Variants in AUTS2 observed in about 807,000 individuals in gnomAD.
AUTS2 encodes autism susceptibility gene 2 protein.
AUTS2 carries 17 observed loss-of-function variants against 112.4 expected under a neutral mutation model. The observed-to-expected ratio is 0.15, with a 90% CI of 0.10 to 0.23. AUTS2 has a LOEUF of 0.23. Among genes scored for constraint, AUTS2 ranks in the 10% least tolerant of loss-of-function variants. The pLI, the probability that AUTS2 is intolerant of heterozygous loss-of-function variation, is 1.00. For synonymous variants in AUTS2, 751 were observed against 702.7 expected (o/e 1.07, Z -1.09); for missense variants, 1,510 against 1,701.6 (o/e 0.89, Z 1.98).
rs544693474 is a variant in AUTS2, at chr7:70,708,714, G to T, written c.742+10094G>T. On this transcript the variant is annotated intron_variant, in intron 6 of 18. Transcript: ENST00000342771. Reference sequence around the variant, plus strand: ...CAGAATTATGTCTCGCATTTAGAGAGCCCCAGAATCTGCCAGCTTGTGCTC... The same window carrying T: ...CAGAATTATGTCTCGCATTTAGAGATCCCCAGAATCTGCCAGCTTGTGCTC... 6.6e-5 allele frequency among the ~76,000 whole-genome samples: 10 copies of T among 152,218 alleles called. No homozygotes were observed. The South Asian group carries it at 2.1e-3, about 32-fold the overall frequency.
At chr7:70,672,836 C>T (rs1049356748) in intron 5 of AUTS2, among the ~76,000 whole-genome samples, 1 of 152,094 alleles carries the variant, frequency 6.6e-6, no homozygotes, top group African/African-American at 2.4e-5. Flanking sequence ...CTCCTGACCT[C>T]GTGATCTGCC....
chr7:70,111,059 T>G (rs940291215), intron 2 of AUTS2, among the ~76,000 whole-genome samples: 2 of 151,752 alleles, frequency 1.3e-5, no homozygotes, highest in Non-Finnish European at 2.9e-5. Context: ...TTTTGTATTT[T>G]TAGTAGAGAC....
Position 70,781,637 on chromosome 7 carries a change from A to G in AUTS2, c.2027A>G (p.His676Arg). 2 of 1,614,118 alleles carry G rather than the reference A, an allele frequency of 1.2e-6. No individual in the cohort carries two copies. Among genetic ancestry groups the G allele is most frequent in the Non-Finnish European group, 1.7e-6 (2 of 1,180,012 alleles). The change falls in exon 15 of 19, where the codon CAT (histidine) becomes CGT (arginine). Residue 676 changes from histidine (H) to arginine (R), a missense_variant. His to Arg is a conservative substitution (Grantham distance 29). Around this residue, in one of 3 missense-constraint regions of AUTS2, gnomAD observed 187 missense variants for 309.7 expected, o/e 0.60. Transcript: ENST00000342771. Reference protein sequence around the residue: ...KVKKQMQSDPHKLDFGLKPEF... With the variant: ...KVKKQMQSDPRKLDFGLKPEF... The stretch of plus-strand genomic sequence containing the variant: ...TAGAAACAGATGCAGTCAGACCCAC[A>G]TAAGCTGGACTTTGGACTGAAACCT...
intron 4 of AUTS2, among the ~76,000 whole-genome samples, chr7:70,409,162 G>A (rs1160541146): frequency 6.6e-6 from 1 of 152,160 alleles, no homozygotes; most frequent in East Asian, 1.9e-4. Flanking sequence ...AATGTCTATA[G>A]TCTGGAAAAG....
intron 1 of AUTS2, among the ~76,000 whole-genome samples, chr7:69,720,189 A>G (rs976798086): frequency 2.0e-5 from 3 of 152,228 alleles, no homozygotes; most frequent in African/African-American, 7.2e-5. Context: ...CCAGCAGAGA[A>G]CAGGAGACTG....
intron 5 of AUTS2, among the ~76,000 whole-genome samples, chr7:70,625,464 C>T (rs1479647380): frequency 6.6e-6 from 1 of 152,234 alleles, no homozygotes; most frequent in Non-Finnish European, 1.5e-5. Flanking sequence ...AAGCACTCCT[C>T]ACCAGTAGTC....
chr7:70,279,290 A>G (rs750847430), intron 4 of AUTS2, among the ~76,000 whole-genome samples: 7 of 152,146 alleles, frequency 4.6e-5, no homozygotes. Context: ...TGGAGTTACA[A>G]CCTATTTAAG....
At position 70,315,767 on chromosome 7, in the gene AUTS2, G is replaced by C. The variant is rs574507260; in HGVS notation, c.661-119985G>C. 3.9e-5 allele frequency among the ~76,000 whole-genome samples: 6 copies of C among 152,152 alleles called. No individual in the cohort carries two copies. In the South Asian group the frequency reaches 1.2e-3, roughly 32 times the overall value. ...CGGTCGACAATCCATGTCTATCCTA[G>C]CCCCTGGATTCTTGAGTCTAGACCT... On this transcript the variant is annotated intron_variant, in intron 4 of 18. Transcript: ENST00000342771.
At chr7:69,685,721 T>G (rs572541780) in intron 1 of AUTS2, among the ~76,000 whole-genome samples, 41 of 138,668 alleles carry the variant, frequency 3.0e-4, no homozygotes, top group Admixed American at 2.5e-3. Flanking sequence ...TCCATGCCCT[T>G]TTTTTTTTTT....
At chr7:70,456,950 G>C (rs1026542292) in intron 5 of AUTS2, among the ~76,000 whole-genome samples, 3 of 152,208 alleles carry the variant, frequency 2.0e-5, no homozygotes, top group Admixed American at 2.0e-4. Flanking sequence ...GCGGCTGCCG[G>C]AGAAGCCTGA....
intron 6 of AUTS2, among the ~76,000 whole-genome samples, chr7:70,755,605 G>C (rs1217187602): frequency 6.6e-6 from 1 of 152,012 alleles, no homozygotes; most frequent in Non-Finnish European, 1.5e-5. Context: ...GTGAGGCAGA[G>C]GCTGCAGTGA....
chr7:70,050,589 G>A (rs1299026067), intron 2 of AUTS2, among the ~76,000 whole-genome samples: 1 of 151,978 alleles, frequency 6.6e-6, no homozygotes, highest in Non-Finnish European at 1.5e-5. Context: ...TTGGATTTAG[G>A]CATATGGATA....
At chr7:70,672,531 G>A (rs2129544191) in intron 5 of AUTS2, among the ~76,000 whole-genome samples, 1 of 152,278 alleles carries the variant, frequency 6.6e-6, no homozygotes, top group Admixed American at 6.5e-5. Context: ...TCTTTGGGTG[G>A]AACAGCTCCA....
chr7:70,223,309 T>A (rs915540888), intron 4 of AUTS2, among the ~76,000 whole-genome samples: 1 of 152,244 alleles, frequency 6.6e-6, no homozygotes, highest in Non-Finnish European at 1.5e-5. Flanking sequence ...TTATAGTAGT[T>A]CGGTTTACAT....
chr7:69,881,754 C>T (rs1393230784), intron 1 of AUTS2, among the ~76,000 whole-genome samples: 1 of 152,148 alleles, frequency 6.6e-6, no homozygotes, highest in Non-Finnish European at 1.5e-5. Flanking sequence ...TTGCATGTCT[C>T]ATAAATTACA....
intron 5 of AUTS2, among the ~76,000 whole-genome samples, chr7:70,480,388 G>C (rs1452797927): frequency 6.6e-6 from 1 of 152,170 alleles, no homozygotes; most frequent in Non-Finnish European, 1.5e-5. Context: ...AATAGGATAC[G>C]TGCTTTTGCC....
At chr7:69,694,122 G>A (rs1170737558) in intron 1 of AUTS2, among the ~76,000 whole-genome samples, 1 of 152,184 alleles carries the variant, frequency 6.6e-6, no homozygotes, top group Non-Finnish European at 1.5e-5. Flanking sequence ...AGACTCGTGT[G>A]TGATTGTTGC....
At chr7:70,533,788 A>G (rs1334954179) in intron 5 of AUTS2, among the ~76,000 whole-genome samples, 2 of 152,230 alleles carry the variant, frequency 1.3e-5, no homozygotes, top group African/African-American at 4.8e-5. Flanking sequence ...CACAGCAACC[A>G]GCAGGGAGCT....
intron 4 of AUTS2, among the ~76,000 whole-genome samples, chr7:70,428,353 AGCTGGGCAGGGGATGGTG>A (rs1795516777): frequency 6.6e-6 from 1 of 152,188 alleles, no homozygotes; most frequent in Admixed American, 6.5e-5. Context: ...AGGATTGGGC[AGCTGGGCAGGGGATGGTG>A]AACGTGTTTT....
Sources: allele counts gnomAD v4.1 joint callset (sites outside exome capture counted in the v4.1 genomes callset), GRCh38; gene constraint gnomAD v4.1.1; regional missense constraint gnomAD v4.1.1; transcripts MANE v1.5; gene names NCBI Gene and HGNC (gene_info 2026-07-23, HGNC 2026-07-21).